MLYCD: variants seen among roughly 807,000 people sequenced by gnomAD.
MLYCD encodes malonyl-CoA decarboxylase.
Under a neutral mutation model 35.8 loss-of-function variants are expected in MLYCD, and 27 were observed. The ratio of observed to expected loss-of-function variants is 0.75; its 90% CI spans 0.56 to 1.04. The LOEUF (loss-of-function observed/expected upper bound fraction) is 1.04. Ranked by LOEUF, MLYCD falls within the 50% of genes least tolerant of loss-of-function variation. The pLI is 0.00. For synonymous variants in MLYCD, 403 were observed against 302.4 expected, an observed-to-expected ratio of 1.33 and a Z score of -3.45; for missense variants, 917 against 665.1, an observed-to-expected ratio of 1.38 and a Z score of -4.17.
rs544041176 is a variant in MLYCD, at chr16:83,911,995, C to T, written c.799-223C>T. 8 of 592,058 alleles carry T rather than the reference C, an allele frequency of 1.4e-5. 1 individual carries two copies. The highest frequency in any genetic ancestry group is 5.6e-5 in the African/African-American group (3 of 53,904). 36.7% of individuals were successfully genotyped at this position (592,058 alleles called of 1,614,324 possible). Reference sequence around the variant, plus strand: ...TGCATGAAAATTTCAAGAAACGATGCAGTGCTGAGGACCCCCAGGCACGCG... The same window carrying T: ...TGCATGAAAATTTCAAGAAACGATGTAGTGCTGAGGACCCCCAGGCACGCG... On this transcript the variant is annotated intron_variant, in intron 3 of 4. Coordinates refer to ENST00000262430, the MANE Select transcript of MLYCD (RefSeq NM_012213.3).
intron 1 of MLYCD, among the ~76,000 whole-genome samples, chr16:83,903,750 A>C (rs1906878744): frequency 6.6e-6 from 1 of 152,118 alleles, no homozygotes; most frequent in Admixed American, 6.5e-5. Flanking sequence ...TAGGCAACAG[A>C]GCAAGACCTG....
rs988612844 is a variant in MLYCD at position 83,920,144 on chromosome 16, C to G, written c.*4655C>G. The G allele has an allele frequency of 2.0e-5, 3 of 152,112 alleles. No homozygotes were observed. The highest frequency in any genetic ancestry group is 7.2e-5 in the African/African-American group (3 of 41,384). The allele number at this position is 152,112 out of a possible 1,614,324, so 9.4% of individuals were successfully genotyped here. ...GAACACCCGCAGTGCACAGGAGAAC[C>G]TAGTGCACAGAACACACACCCTGTG... On this transcript the variant is annotated 3_prime_UTR_variant, in exon 5 of 5. Coordinates refer to ENST00000262430, the MANE Select transcript of MLYCD (RefSeq NM_012213.3).
At chr16:83,902,457 A>C (rs956608609) in intron 1 of MLYCD, among the ~76,000 whole-genome samples, 2 of 149,666 alleles carry the variant, frequency 1.3e-5, no homozygotes, top group Admixed American at 1.3e-4. Context: ...GTAACCTCTC[A>C]CCAGAATCAC....
intron 1 of MLYCD, among the ~76,000 whole-genome samples, chr16:83,905,684 C>G (rs961247437): frequency 2.6e-5 from 4 of 152,184 alleles, no homozygotes; most frequent in Non-Finnish European, 5.9e-5. Flanking sequence ...TTCAAGTTCC[C>G]CAAAGTGGCT....
At position 83,899,536 on chromosome 16, in the gene MLYCD, ACGCGCTGG is replaced by A. The variant is rs775425515; in HGVS notation, c.393_400del (p.Leu133AlafsTer72). The A allele has an allele frequency of 1.5e-5, 24 of 1,591,058 alleles. No individual in the cohort carries two copies. The highest frequency in any genetic ancestry group is 1.9e-5 in the Non-Finnish European group (22 of 1,177,000). Reference sequence around the variant, plus strand: ...CTGCAGGCCGAGGACCGGCTGCGCTACGCGCTGGTGCCGCGCTATCGCGGCCTCTTCCA... The same window carrying A: ...CTGCAGGCCGAGGACCGGCTGCGCTATGCCGCGCTATCGCGGCCTCTTCCA... On this transcript the variant is annotated frameshift_variant, in exon 1 of 5. Transcript: ENST00000262430. LOFTEE classifies it high-confidence loss of function.
intron 1 of MLYCD, among the ~76,000 whole-genome samples, chr16:83,901,244 G>T (rs1193345708): frequency 6.6e-6 from 1 of 152,118 alleles, no homozygotes; most frequent in Non-Finnish European, 1.5e-5. Flanking sequence ...AGCCTAGTCT[G>T]AATAGCTGAG....
rs542680156 is a variant in MLYCD, at chr16:83,915,777, G to T, written c.*288G>T. The T allele has an allele frequency of 1.1e-3, 1,482 of 1,321,384 alleles. 3 individuals carry two copies. The highest frequency in any genetic ancestry group is 1.4e-3 in the Non-Finnish European group (1,396 of 1,028,166). 81.9% of individuals were successfully genotyped at this position (1,321,384 alleles called of 1,614,324 possible). On this transcript the variant is annotated 3_prime_UTR_variant, in exon 5 of 5. Coordinates refer to ENST00000262430, the MANE Select transcript of MLYCD (RefSeq NM_012213.3). ...CCCTTGGCCTGGCTCCCTGCCCGGG[G>T]CTGGTGCTGTGGTACCTACATCTTC...
chr16:83,905,371 A>T (rs1433787261), intron 1 of MLYCD, among the ~76,000 whole-genome samples: 2 of 152,242 alleles, frequency 1.3e-5, no homozygotes, highest in Non-Finnish European at 2.9e-5. Context: ...AATAATGTTC[A>T]GTGGATCTGT....
rs542755551 is a variant in MLYCD at position 83,918,448 on chromosome 16, C to G, written c.*2959C>G. The stretch of plus-strand genomic sequence containing the variant: ...GGAGAACACATGGTGCACAGGAGAA[C>G]ACGCACACACGGTGCACAGGAGAAC... On this transcript the variant is annotated 3_prime_UTR_variant, in exon 5 of 5. Coordinates refer to ENST00000262430, the MANE Select transcript of MLYCD (RefSeq NM_012213.3). The G allele has an allele frequency of 7.0e-6, 1 of 143,656 alleles. No individual in the cohort carries two copies. Among genetic ancestry groups the G allele is most frequent in the African/African-American group, 2.6e-5 (1 of 37,850 alleles). 8.9% of individuals were successfully genotyped at this position (143,656 alleles called of 1,614,324 possible).
At chr16:83,911,245 T>G (rs1288182616) in intron 3 of MLYCD, among the ~76,000 whole-genome samples, 2 of 152,232 alleles carry the variant, frequency 1.3e-5, no homozygotes. Flanking sequence ...CCCAAAGTGC[T>G]GGGATTACAG....
rs762729042 is a variant in MLYCD, at chr16:83,915,288, G to A, written c.1281G>A (p.Gly427=). 1 of 1,613,500 alleles carries A rather than the reference G, an allele frequency of 6.2e-7. No homozygotes were observed. The highest frequency in any genetic ancestry group is 1.1e-5 in the South Asian group (1 of 91,082). The change falls in exon 5 of 5, where the codon GGG becomes GGA. Residue 427 remains glycine, a synonymous_variant. Coordinates refer to ENST00000262430, the MANE Select transcript of MLYCD (RefSeq NM_012213.3). Reference sequence around the variant, plus strand: ...TGGCCAACTTCCACCTGCAGAACGGGGCGGTGCTGTGGCGCATCAACTGGA... The same window carrying A: ...TGGCCAACTTCCACCTGCAGAACGGAGCGGTGCTGTGGCGCATCAACTGGA... ...NPVANFHLQN[G]AVLWRINWMA...
At chr16:83,911,196 T>C (rs960693675) in intron 3 of MLYCD, among the ~76,000 whole-genome samples, 1 of 152,144 alleles carries the variant, frequency 6.6e-6, no homozygotes, top group Non-Finnish European at 1.5e-5. Context: ...GCCAGGGTGG[T>C]CTCGATCTCC....
At position 83,922,259 on chromosome 16, in the gene MLYCD, C is replaced by G. The variant is rs1048088509; in HGVS notation, c.*6770C>G. The G allele has an allele frequency of 2.0e-5, 3 of 152,082 alleles. No individual in the cohort carries two copies. Among genetic ancestry groups the G allele is most frequent in the African/African-American group, 7.2e-5 (3 of 41,396 alleles). 9.4% of individuals were successfully genotyped at this position (152,082 alleles called of 1,614,324 possible). A position where few individuals can be genotyped will look rare whatever the true frequency, so the allele number is the denominator to read the frequency against. ...ATCTCAGGAGCTACTCTGCTCCATT[C>G]CCCCCGTATCCGAGACCTAAGTTCC... is the stretch of plus-strand genomic sequence containing the variant. On this transcript the variant is annotated 3_prime_UTR_variant, in exon 5 of 5. Transcript: ENST00000262430.
At chr16:83,911,463 C>T (rs1037959636) in intron 3 of MLYCD, among the ~76,000 whole-genome samples, 1 of 152,202 alleles carries the variant, frequency 6.6e-6, no homozygotes, top group Non-Finnish European at 1.5e-5. Flanking sequence ...AGGTAGCCCC[C>T]TGCTGTTCCA....
At chr16:83,903,263 A>G (rs956662190) in intron 1 of MLYCD, among the ~76,000 whole-genome samples, 3 of 152,196 alleles carry the variant, frequency 2.0e-5, no homozygotes, top group Admixed American at 6.5e-5. Flanking sequence ...CCACCCGGCC[A>G]TGCTAGACAC....
intron 4 of MLYCD, 122 bp downstream of exon 4, chr16:83,912,489 G>A (rs1233114385): frequency 1.2e-5 from 17 of 1,389,354 alleles, no homozygotes; most frequent in East Asian, 9.7e-5. Context: ...GGGAGGGGCA[G>A]GGGGTAGAAA....
intron 1 of MLYCD, among the ~76,000 whole-genome samples, chr16:83,901,606 C>A (rs1472984487): frequency 3.3e-5 from 5 of 152,196 alleles, no homozygotes; most frequent in Admixed American, 1.3e-4. Flanking sequence ...ATTCTGAATT[C>A]TCTGGTTCTG....
rs748979749 is a variant in MLYCD, at chr16:83,899,516, G to T, written c.372G>T (p.Gln124His). 3.8e-6 allele frequency: 6 copies of T among 1,587,780 alleles called. No homozygotes were observed. Among genetic ancestry groups the T allele is most frequent in the Non-Finnish European group, 4.3e-6 (5 of 1,175,784 alleles). ...AGCGGGAGGCGGCGGTGCTGCTGCA[G>T]GCCGAGGACCGGCTGCGCTACGCGC... ...QQQREAAVLLQAEDRLRYALV... is the reference protein window; with the variant it reads ...QQQREAAVLLHAEDRLRYALV... The change falls in exon 1 of 5, where the codon CAG becomes CAT. Residue 124 changes from glutamine to histidine, a missense_variant. Coordinates refer to ENST00000262430, the MANE Select transcript of MLYCD (RefSeq NM_012213.3).
rs1907793120 is a variant in MLYCD, at chr16:83,925,943, C to T, written c.*10454C>T. 1 of 152,306 alleles carries T rather than the reference C, an allele frequency of 6.6e-6. No homozygotes were observed. 9.4% of individuals were successfully genotyped at this position (152,306 alleles called of 1,614,324 possible). ...CAAGGCAGTTTCATGTGTGTATCTCCACTAGACTAGACGCTCTCTGAGGGC... is the reference window on the plus strand; with the variant it reads ...CAAGGCAGTTTCATGTGTGTATCTCTACTAGACTAGACGCTCTCTGAGGGC... On this transcript the variant is annotated 3_prime_UTR_variant, in exon 5 of 5. Coordinates refer to ENST00000262430, the MANE Select transcript of MLYCD (RefSeq NM_012213.3).
Sources: gnomAD v4.1 joint callset for allele counts (sites outside exome capture counted in the v4.1 genomes callset) on GRCh38, gnomAD v4.1.1 for gene constraint, MANE v1.5 for transcripts, NCBI Gene and HGNC (gene_info 2026-07-23, HGNC 2026-07-21) for gene names.